Variants in RFC1 observed in about 807,000 individuals in gnomAD.
RFC1 encodes A1 140 kDa subunit.
In RFC1, 37 loss-of-function variants were observed where a neutral mutation model predicts 137.4. The ratio of observed to expected loss-of-function variants is 0.27; its 90% CI spans 0.21 to 0.35. RFC1 has a LOEUF of 0.35. Among genes scored for constraint, RFC1 ranks in the 10% least tolerant of loss-of-function variants. RFC1 has a pLI of 1.00. For synonymous variants in RFC1, 429 were observed against 455.7 expected (o/e 0.94, Z 0.75); for missense variants, 1,205 against 1,358.5 (o/e 0.89, Z 1.78).
At chr4:39,311,603 C>T in intron 11 of RFC1, 54 bp from the exon 12 acceptor site, 3 of 1,402,546 alleles carry the variant, frequency 2.1e-6, no homozygotes, top group South Asian at 1.3e-5. Flanking sequence ...CTACCATTCC[C>T]TTCTCTTACA....
chr4:39,299,718 T>C (rs1263570637), intron 21 of RFC1, among the ~76,000 whole-genome samples: 1 of 151,898 alleles, frequency 6.6e-6, no homozygotes, highest in African/African-American at 2.4e-5. Flanking sequence ...ACTATATTTT[T>C]GCCACAAGAG....
chr4:39,288,930 T>A, intron 24 of RFC1, 86 bp from the exon 25 acceptor site: 1 of 848,438 alleles, frequency 1.2e-6, no homozygotes, highest in Non-Finnish European at 1.9e-6. Flanking sequence ...ATCTAATCTT[T>A]ACCTGCAACT....
chr4:39,361,408 A>G (rs1741749225), intron 1 of RFC1, among the ~76,000 whole-genome samples: 1 of 152,202 alleles, frequency 6.6e-6, no homozygotes, highest in South Asian at 2.1e-4. Context: ...CAATCAATCA[A>G]TAAAATATTT....
intron 2 of RFC1, among the ~76,000 whole-genome samples, chr4:39,347,437 G>C (rs1487239712): frequency 6.6e-6 from 1 of 152,092 alleles, no homozygotes; most frequent in African/African-American, 2.4e-5. Context: ...CCAATTCTTG[G>C]TAATAAATCT....
chr4:39,292,600 C>A (rs1308901280), intron 22 of RFC1, among the ~76,000 whole-genome samples: 1 of 151,008 alleles, frequency 6.6e-6, no homozygotes, highest in Non-Finnish European at 1.5e-5. Context: ...TCAAACCAGG[C>A]ATTTATATGT....
chr4:39,302,937 AT>A, intron 16 of RFC1, 63 bp from the exon 17 acceptor site: 1 of 1,529,328 alleles, frequency 6.5e-7, no homozygotes, highest in East Asian at 2.3e-5. Flanking sequence ...CACACAAGCT[AT>A]TTTAGGTTCT....
In RFC1 at chr4:39,345,360, A is replaced by G. The variant is rs767173405; in HGVS notation, c.208+41T>C. 3.2e-6 allele frequency: 5 copies of G among 1,544,130 alleles called. No homozygotes were observed. In the African/African-American group the frequency reaches 5.5e-5, roughly 17 times the overall value. On this transcript the variant is annotated intron_variant, in intron 3 of 24. Coordinates refer to ENST00000349703, the MANE Select transcript of RFC1 (RefSeq NM_002913.5). ...AAAGCACTGTTCTAAGGGATATACAATAACTTTAAAATTTTAAAGCTCCTC... is the reference window on the plus strand; with the variant it reads ...AAAGCACTGTTCTAAGGGATATACAGTAACTTTAAAATTTTAAAGCTCCTC...
At chr4:39,337,471 T>C (rs1369364064) in intron 4 of RFC1, among the ~76,000 whole-genome samples, 1 of 147,766 alleles carries the variant, frequency 6.8e-6, no homozygotes. Context: ...TGTGTGTGTG[T>C]GTAACATTTA....
chr4:39,290,667 T>C (rs1737624135), intron 23 of RFC1, among the ~76,000 whole-genome samples: 1 of 151,740 alleles, frequency 6.6e-6, no homozygotes, highest in Non-Finnish European at 1.5e-5. Flanking sequence ...ATACAAAACT[T>C]AGCCAGGCGT....
chr4:39,312,716 G>A lies in RFC1; in HGVS notation c.1383+36C>T, dbSNP rs372021978. 5.8e-5 allele frequency: 92 copies of A among 1,572,856 alleles called. No individual in the cohort carries two copies. The Middle Eastern group carries it at 1.7e-3, about 29-fold the overall frequency. On this transcript the variant is annotated intron_variant, in intron 11 of 24. Coordinates refer to ENST00000349703, the MANE Select transcript of RFC1 (RefSeq NM_002913.5). ...ATCAAGAGTGTGCCAAGGCAGGCAGGAGGTGTCATGGTGTTGAGAACAAAG... is the reference window on the plus strand; with the variant it reads ...ATCAAGAGTGTGCCAAGGCAGGCAGAAGGTGTCATGGTGTTGAGAACAAAG...
chr4:39,312,823 T>C lies in RFC1; in HGVS notation c.1312A>G (p.Thr438Ala). The change falls in exon 11 of 25, where the codon ACA (threonine) becomes GCA (alanine). Residue 438 changes from threonine to alanine, a missense_variant. By Grantham distance (58) the Thr-to-Ala change is moderately conservative. Transcript: ENST00000349703. Reference protein sequence around the residue: ...SLIERYGGKVTGNVSKKTNYL... With the variant: ...SLIERYGGKVAGNVSKKTNYL... Reference sequence around the variant, plus strand: ...TTTGTTTTCTTGCTGACATTTCCTGTTACTTTTCCCCCATAACGTTCAATT... The same window carrying C: ...TTTGTTTTCTTGCTGACATTTCCTGCTACTTTTCCCCCATAACGTTCAATT... 1 of 1,614,152 alleles carries C rather than the reference T, an allele frequency of 6.2e-7. No individual in the cohort carries two copies. The highest frequency in any genetic ancestry group is 2.2e-5 in the East Asian group (1 of 44,886).
At chr4:39,293,438 T>G (rs1041792044) in intron 22 of RFC1, among the ~76,000 whole-genome samples, 1 of 152,074 alleles carries the variant, frequency 6.6e-6, no homozygotes, top group African/African-American at 2.4e-5. Flanking sequence ...GGAATAAAAA[T>G]CAAAGCATTC....
intron 1 of RFC1, among the ~76,000 whole-genome samples, chr4:39,354,951 G>A (rs1741388271): frequency 6.6e-6 from 1 of 151,322 alleles, no homozygotes; most frequent in Admixed American, 6.6e-5. Flanking sequence ...GTGTGGTGGT[G>A]CACACCTGTA....
At chr4:39,339,580 A>T (rs144478065) in intron 4 of RFC1, among the ~76,000 whole-genome samples, 232 of 152,250 alleles carry the variant, frequency 1.5e-3, no homozygotes, top group African/African-American at 5.0e-3. Flanking sequence ...ACCCATTTTT[A>T]AATTTGATTG....
intron 2 of RFC1, among the ~76,000 whole-genome samples, chr4:39,348,426 A>AGGGC (rs1560619794): frequency 5.6e-5 from 2 of 35,672 alleles, no homozygotes; most frequent in Non-Finnish European, 7.3e-5. Context: ...CTGTTTCAAA[A>AGGGC]AAGAAAAGAA....
chr4:39,296,026 C>G (rs1349668795), intron 21 of RFC1: 3 of 300,918 alleles, frequency 1.0e-5, no homozygotes, highest in Non-Finnish European at 1.8e-5. Context: ...CCTCAAGCAA[C>G]TAATCTCAAC....
intron 22 of RFC1, among the ~76,000 whole-genome samples, chr4:39,294,929 G>A (rs544851679): frequency 1.3e-5 from 2 of 152,000 alleles, no homozygotes; most frequent in South Asian, 2.1e-4. Flanking sequence ...ACTTAAACCC[G>A]GAGGTGGAGG....
In RFC1 at chr4:39,326,836, A is replaced by C. The variant is rs113767774; in HGVS notation, c.565-196T>G. 3.3e-3 allele frequency among the ~76,000 whole-genome samples: 501 copies of C among 152,296 alleles called. 2 individuals carry two copies. Among genetic ancestry groups the C allele is most frequent in the African/African-American group, 0.012 (479 of 41,562 alleles). On this transcript the variant is annotated intron_variant, in intron 5 of 24. Transcript: ENST00000349703. ...ATATCCAATCCCTAATAAATATCCTATAGACAGACCTGTCTCACTTAGTTC... is the reference window on the plus strand; with the variant it reads ...ATATCCAATCCCTAATAAATATCCTCTAGACAGACCTGTCTCACTTAGTTC...
chr4:39,347,653 C>A (rs1425588418), intron 2 of RFC1, among the ~76,000 whole-genome samples: 1 of 152,092 alleles, frequency 6.6e-6, no homozygotes, highest in Non-Finnish European at 1.5e-5. Flanking sequence ...CCTAGACTGC[C>A]ATGAAGGAAC....
Sources: allele counts gnomAD v4.1 joint callset (sites outside exome capture counted in the v4.1 genomes callset), GRCh38; gene constraint gnomAD v4.1.1; transcripts MANE v1.5; gene names NCBI Gene and HGNC (gene_info 2026-07-23, HGNC 2026-07-21).